The following PPP2R2B variants were observed in gnomAD, a reference collection of about 807,000 sequenced individuals.
The protein encoded by PPP2R2B is serine/threonine-protein phosphatase 2A 55 kDa regulatory subunit B beta isoform.
A neutral mutation model predicts 46.0 loss-of-function variants in PPP2R2B; 5 were observed. The observed-to-expected ratio is 0.11, with a 90% CI of 0.06 to 0.23. The LOEUF (loss-of-function observed/expected upper bound fraction) is 0.23, where lower values mean the gene tolerates loss of function less well. PPP2R2B is among the 10% of genes least tolerant of loss of function. The probability of loss-of-function intolerance (pLI) is 1.00; values close to 1 mark genes in which losing one functional copy is unlikely to be tolerated. For missense variants in PPP2R2B, 367 were observed against 575.0 expected (o/e 0.64, Z 3.70); for synonymous variants, 215 against 206.7 (o/e 1.04, Z -0.34).
intron 2 of PPP2R2B, among the ~76,000 whole-genome samples, chr5:146,772,034 C>T (rs1302501800): frequency 2.0e-5 from 3 of 152,084 alleles, no homozygotes; most frequent in Admixed American, 6.6e-5. Flanking sequence ...TGCAGCATTG[C>T]TTATACTAGC....
intron 1 of PPP2R2B, among the ~76,000 whole-genome samples, chr5:147,053,530 A>T (rs1170212862): frequency 7.0e-6 from 1 of 142,064 alleles, no homozygotes; most frequent in Non-Finnish European, 1.5e-5. Context: ...GGGTGACACG[A>T]TTGCCAACAA....
At position 146,681,225 on chromosome 5, in the gene PPP2R2B, G is replaced by A. The variant is rs570587757; in HGVS notation, c.447+9903C>T. Among the ~76,000 whole-genome samples, 3 of 152,292 alleles carry A rather than the reference G, an allele frequency of 2.0e-5. No homozygotes were observed. In the South Asian group the frequency reaches 6.2e-4, roughly 32 times the overall value. ...GAAGTCCTCTACTGATTTCAAATTA[G>A]TTCTTTGCATAACCTAGTAGCAAAA... is the stretch of plus-strand genomic sequence containing the variant. On this transcript the variant is annotated intron_variant, in intron 5 of 9. Transcript: ENST00000394411.
Position 146,590,044 on chromosome 5 carries a change from C to A in PPP2R2B, c.1235G>T (p.Ser412Ile), listed in dbSNP as rs1403608405. 1 of 1,614,170 alleles carries A rather than the reference C, an allele frequency of 6.2e-7. No individual in the cohort carries two copies. The highest frequency in any genetic ancestry group is 1.3e-5 in the African/African-American group (1 of 75,032). The change falls in exon 10 of 10, where the codon AGC (serine) becomes ATC (isoleucine). Residue 412 changes from serine (S) to isoleucine (I), a missense_variant. Physicochemically the swap from Ser to Ile is moderately radical, Grantham distance 142. Around this residue, in one of 2 missense-constraint regions of PPP2R2B, gnomAD observed 361 missense variants for 545.5 expected, o/e 0.66. Transcript: ENST00000394411. ...DEISVDSLDF[S>I]KKILHTAWHP... ...CCAAGCTGTATGCAAGATCTTTTTG[C>A]TAAAGTCCAGACTGTCGACACTGAT...
intron 1 of PPP2R2B, among the ~76,000 whole-genome samples, chr5:147,051,962 G>T (rs1756849359): frequency 6.6e-6 from 1 of 151,336 alleles, no homozygotes; most frequent in African/African-American, 2.4e-5. Flanking sequence ...TTGGAATTTT[G>T]TTTCTCCAAT....
intron 2 of PPP2R2B, among the ~76,000 whole-genome samples, chr5:146,781,610 G>GAAA (rs201103388): frequency 7.9e-6 from 1 of 126,086 alleles, no homozygotes. Flanking sequence ...TCTGAGCCAA[G>GAAA]AAAAAAAAAA....
At chr5:146,624,556 C>G (rs1336206432) in intron 7 of PPP2R2B, among the ~76,000 whole-genome samples, 1 of 152,210 alleles carries the variant, frequency 6.6e-6, no homozygotes, top group East Asian at 1.9e-4. Flanking sequence ...AGCTTTCTGA[C>G]TCTTCTCCCA....
intron 1 of PPP2R2B, among the ~76,000 whole-genome samples, chr5:147,009,544 A>C (rs1754614288): frequency 6.6e-6 from 1 of 152,174 alleles, no homozygotes; most frequent in Non-Finnish European, 1.5e-5. Flanking sequence ...ATGAGGTGGA[A>C]GGAAAGATTA....
At chr5:146,694,515 G>A (rs1258846117) in intron 4 of PPP2R2B, among the ~76,000 whole-genome samples, 1 of 152,070 alleles carries the variant, frequency 6.6e-6, no homozygotes, top group Non-Finnish European at 1.5e-5. Context: ...CAGAGAAACA[G>A]AGAAATCATG....
At chr5:147,054,882 G>A (rs1264306114) in intron 1 of PPP2R2B, among the ~76,000 whole-genome samples, 1 of 152,130 alleles carries the variant, frequency 6.6e-6, no homozygotes, top group African/African-American at 2.4e-5. Flanking sequence ...TAAAACACAG[G>A]CACATCACAT....
At chr5:146,871,877 A>G (rs893482123) in intron 2 of PPP2R2B, among the ~76,000 whole-genome samples, 19 of 152,158 alleles carry the variant, frequency 1.2e-4, no homozygotes, top group African/African-American at 4.3e-4. Flanking sequence ...GAAATTTCTT[A>G]TTTTAAAAAT....
intron 2 of PPP2R2B, among the ~76,000 whole-genome samples, chr5:146,815,189 G>A (rs998933924): frequency 6.6e-6 from 1 of 152,146 alleles, no homozygotes; most frequent in Admixed American, 6.5e-5. Flanking sequence ...TTCCAGCAAG[G>A]TCCATTCTCT....
At chr5:146,606,541 T>C (rs1772288480) in intron 7 of PPP2R2B, among the ~76,000 whole-genome samples, 1 of 152,218 alleles carries the variant, frequency 6.6e-6, no homozygotes, top group African/African-American at 2.4e-5. Flanking sequence ...ATAGACGAGA[T>C]CTTGCTTGTG....
intron 2 of PPP2R2B, among the ~76,000 whole-genome samples, chr5:146,703,264 G>T (rs1423100552): frequency 6.6e-6 from 1 of 152,278 alleles, no homozygotes; most frequent in South Asian, 2.1e-4. Flanking sequence ...CTTTGGTCAG[G>T]TACAAAGGCT....
intron 2 of PPP2R2B, among the ~76,000 whole-genome samples, chr5:146,715,854 A>G (rs1780469097): frequency 6.6e-6 from 1 of 151,658 alleles, no homozygotes; most frequent in Admixed American, 6.6e-5. Flanking sequence ...TCTTTCACTC[A>G]CAGTTGTAGG....
chr5:147,012,949 T>C (rs1455236576), intron 1 of PPP2R2B, among the ~76,000 whole-genome samples: 1 of 152,140 alleles, frequency 6.6e-6, no homozygotes, highest in Non-Finnish European at 1.5e-5. Context: ...GAGAGATACC[T>C]GTTTGCAGAC....
intron 2 of PPP2R2B, among the ~76,000 whole-genome samples, chr5:146,860,509 C>A (rs1760922748): frequency 6.6e-6 from 1 of 152,194 alleles, no homozygotes; most frequent in Non-Finnish European, 1.5e-5. Flanking sequence ...GTTTCTCTGA[C>A]AAAATGTACC....
intron 2 of PPP2R2B, among the ~76,000 whole-genome samples, chr5:146,844,872 C>T (rs900425065): frequency 2.0e-5 from 3 of 152,186 alleles, no homozygotes; most frequent in African/African-American, 7.2e-5. Context: ...TTACCTTTAG[C>T]CTACACAGTG....
At chr5:147,076,214 G>T (rs1020975394) in intron 2 of PPP2R2B, among the ~76,000 whole-genome samples, 5 of 152,002 alleles carry the variant, frequency 3.3e-5, no homozygotes, top group Non-Finnish European at 5.9e-5. Flanking sequence ...ATAAACTAGG[G>T]TATATGTACC....
At chr5:146,809,772 A>G (rs969364859) in intron 2 of PPP2R2B, among the ~76,000 whole-genome samples, 1 of 152,204 alleles carries the variant, frequency 6.6e-6, no homozygotes, top group Non-Finnish European at 1.5e-5. Flanking sequence ...TCATGTTTTT[A>G]GAAGATCACT....
Sources: allele counts gnomAD v4.1 joint callset (sites outside exome capture counted in the v4.1 genomes callset), GRCh38; gene constraint gnomAD v4.1.1; regional missense constraint gnomAD v4.1.1; transcripts MANE v1.5; gene names NCBI Gene and HGNC (gene_info 2026-07-23, HGNC 2026-07-21).